MLXIPL: variants seen among roughly 807,000 people sequenced by gnomAD.
MLXIPL encodes the protein MLX interacting protein like, also known as carbohydrate-responsive element-binding protein.
A neutral mutation model predicts 81.5 loss-of-function variants in MLXIPL; 49 were observed. The ratio of observed to expected loss-of-function variants is 0.60; its 90% CI spans 0.48 to 0.76. MLXIPL has a LOEUF of 0.76. Among genes scored for constraint, MLXIPL ranks in the 30% least tolerant of loss-of-function variants. The pLI is 0.00. For missense variants in MLXIPL, 1,053 were observed against 1,167.0 expected, an observed-to-expected ratio of 0.90 and a Z score of 1.42; for synonymous variants, 466 against 485.5, an observed-to-expected ratio of 0.96 and a Z score of 0.53.
upstream of MLXIPL, chr7:73,624,712 CTTTCCT>C: frequency 1.7e-6 from 1 of 573,186 alleles, no homozygotes; most frequent in Admixed American, 6.4e-5. Context: ...CCCTTCCCGT[CTTTCCT>C]TGGAGTCCTG....
intron 2 of MLXIPL, chr7:73,610,946 G>T (rs1795652393): frequency 6.6e-6 from 1 of 151,390 alleles, no homozygotes; most frequent in Non-Finnish European, 1.5e-5. Flanking sequence ...GCCTCAGCCT[G>T]CCTAGTAGCT....
In MLXIPL at chr7:73,624,283, C is replaced by T. The variant is rs782141700; in HGVS notation, c.210G>A (p.Gly70=). 2.1e-5 allele frequency: 34 copies of T among 1,588,408 alleles called. No homozygotes were observed. The highest frequency in any genetic ancestry group is 2.8e-5 in the Non-Finnish European group (33 of 1,169,146). Residue 70 remains glycine (G), a synonymous_variant, in exon 1 of 17, where the codon GGG becomes GGA. Transcript: ENST00000313375. ...DSLPRRRDQE[G]SVGPSDFGPR... ...GCCCGAAGTCGGAGGGCCCCACGGA[C>T]CCCTCCTGGTCGCGCCGCCGGGGCA...
chr7:73,633,871 GCCA>G, the MLXIPL span, among the ~76,000 whole-genome samples: 1 of 152,178 alleles, frequency 6.6e-6, no homozygotes, highest in Non-Finnish European at 1.5e-5. Context: ...TACTCAGGAA[GCCA>G]CTACTGTGGC....
At chr7:73,633,033 G>A in the MLXIPL span, among the ~76,000 whole-genome samples, 9 of 150,286 alleles carry the variant, frequency 6.0e-5, no homozygotes, top group South Asian at 4.2e-4. Flanking sequence ...TGCCTGCTTC[G>A]GCCTCCCAAA....
upstream of MLXIPL, among the ~76,000 whole-genome samples, chr7:73,627,393 C>T (rs1796770484): frequency 6.6e-6 from 1 of 152,128 alleles, no homozygotes; most frequent in Non-Finnish European, 1.5e-5. Flanking sequence ...GGATTACAGG[C>T]GTGTAACACC....
intron 2 of MLXIPL, among the ~76,000 whole-genome samples, chr7:73,608,671 G>A (rs1795488306): frequency 6.6e-6 from 1 of 151,924 alleles, no homozygotes; most frequent in Non-Finnish European, 1.5e-5. Flanking sequence ...AGAAGGCTAG[G>A]CACTACCCAC....
At chr7:73,606,748 C>T (rs1382133824) in intron 5 of MLXIPL, 3 of 561,838 alleles carry the variant, frequency 5.3e-6, no homozygotes, top group Admixed American at 2.8e-5. Flanking sequence ...TCTCCCATGC[C>T]TCCCACCACT....
upstream of MLXIPL, among the ~76,000 whole-genome samples, chr7:73,625,319 C>T (rs1266287523): frequency 6.6e-6 from 1 of 152,166 alleles, no homozygotes; most frequent in Non-Finnish European, 1.5e-5. Flanking sequence ...TCACCTCCAA[C>T]CCCCGCCCCC....
upstream of MLXIPL, chr7:73,624,594 G>C: frequency 2.1e-6 from 3 of 1,397,632 alleles, no homozygotes; most frequent in South Asian, 3.2e-5. Context: ...CCACACCATA[G>C]GCCGATCGGG....
At chr7:73,594,485 G>T in intron 15 of MLXIPL, 82 bp from the exon 16 acceptor site, 1 of 1,552,210 alleles carries the variant, frequency 6.4e-7, no homozygotes, top group Non-Finnish European at 8.8e-7. Flanking sequence ...TTCAAACCAG[G>T]GGAAGAAAGG....
the MLXIPL span, among the ~76,000 whole-genome samples, chr7:73,647,066 G>A: frequency 6.6e-6 from 1 of 152,140 alleles, no homozygotes; most frequent in Non-Finnish European, 1.5e-5. Context: ...GCCCAGAGAC[G>A]GAAAGTCGTG....
At chr7:73,595,571 G>A in intron 15 of MLXIPL, 66 bp downstream of exon 15, 2 of 1,613,382 alleles carry the variant, frequency 1.2e-6, no homozygotes, top group Non-Finnish European at 1.7e-6. Context: ...TCCATCCCAG[G>A]CCCAGCCTGG....
At chr7:73,630,285 CTT>C in the MLXIPL span, among the ~76,000 whole-genome samples, 7,677 of 97,368 alleles carry the variant, frequency 0.079, 157 homozygotes, top group Middle Eastern at 0.16. Flanking sequence ...GCCAGCTTGT[CTT>C]TTTTTTTTTT....
chr7:73,595,542 C>T (rs1446434772), intron 15 of MLXIPL, 95 bp downstream of exon 15: 20 of 1,610,230 alleles, frequency 1.2e-5, no homozygotes, highest in African/African-American at 2.7e-5. Context: ...TGAGCCTGCC[C>T]GGCCTGGAGA....
Position 73,616,083 on chromosome 7 carries a change from A to G in MLXIPL, c.388T>C (p.Trp130Arg), listed in dbSNP as rs1554600685. The change falls in exon 2 of 17, where the codon TGG becomes CGG. Residue 130 changes from tryptophan to arginine, a missense_variant. Physicochemically the swap from Trp to Arg is moderately radical, Grantham distance 101 (BLOSUM62 -3). This residue lies in a region of MLXIPL where 226 missense variants were observed against 216.2 expected (regional missense o/e 1.05). Transcript: ENST00000313375. Reference sequence around the variant, plus strand: ...GGTAGCCACTCACACTGGATATACCAGGCCCTCCAGATGGCGTTGTTCAGG... The same window carrying G: ...GGTAGCCACTCACACTGGATATACCGGGCCCTCCAGATGGCGTTGTTCAGG... Reference protein sequence around the residue: ...IRLNNAIWRAWYIQYVKRRKS... With the variant: ...IRLNNAIWRARYIQYVKRRKS... The G allele has an allele frequency of 6.2e-7, 1 of 1,613,654 alleles. No homozygotes were observed. Among genetic ancestry groups the G allele is most frequent in the Non-Finnish European group, 8.5e-7 (1 of 1,179,764 alleles).
At chr7:73,631,558 CTTTTTTT>C in the MLXIPL span, among the ~76,000 whole-genome samples, 15 of 69,668 alleles carry the variant, frequency 2.2e-4, no homozygotes, top group Admixed American at 6.2e-4. Context: ...GATGTTGCTA[CTTTTTTT>C]TTTTTTTTTT....
Position 73,606,052 on chromosome 7 carries a change from G to T in MLXIPL, c.678C>A (p.Val226=). 1 of 1,591,216 alleles carries T rather than the reference G, an allele frequency of 6.3e-7. No homozygotes were observed. The highest frequency in any genetic ancestry group is 8.6e-7 in the Non-Finnish European group (1 of 1,168,862). ...CCTCTGGGTCCCCCAGCAGCACGGG[G>T]ACCACACTGGAGAAGAGCTGTTTGC... ...QWCKQLFSSV[V]PVLLGDPEEE... The change falls in exon 6 of 17, where the codon GTC becomes GTA. Residue 226 remains valine, a synonymous_variant. Transcript: ENST00000313375.
intron 7 of MLXIPL, among the ~76,000 whole-genome samples, chr7:73,602,107 C>T (rs1373472149): frequency 1.4e-5 from 2 of 138,702 alleles, no homozygotes; most frequent in Non-Finnish European, 3.1e-5. Context: ...TTCCTGCCTG[C>T]CTGCCTGCCT....
chr7:73,607,858 T>TTTTTTTTTC, intron 2 of MLXIPL, among the ~76,000 whole-genome samples, 186 bp from the exon 3 acceptor site: 1 of 145,504 alleles, frequency 6.9e-6, no homozygotes. Context: ...TCTTCCTTTT[T>TTTTTTTTTC]TTTTTTTTTT....
Sources: gnomAD v4.1 joint callset for allele counts (sites outside exome capture counted in the v4.1 genomes callset) on GRCh38, gnomAD v4.1.1 for gene constraint, gnomAD v4.1.1 regional missense constraint, MANE v1.5 for transcripts, NCBI Gene and HGNC (gene_info 2026-07-23, HGNC 2026-07-21) for gene names.